Variants in CCDC13 observed in about 807,000 individuals in gnomAD.
CCDC13 encodes coiled-coil domain containing 13.
Under a neutral mutation model 87.3 loss-of-function variants are expected in CCDC13, and 70 were observed. That is an observed-to-expected ratio of 0.80 (90% CI 0.66 to 0.98). The LOEUF (loss-of-function observed/expected upper bound fraction) is 0.98, where lower values mean the gene tolerates loss of function less well. CCDC13 is among the 50% of genes least tolerant of loss of function. CCDC13 has a pLI of 0.00. For synonymous variants in CCDC13, 317 were observed against 360.3 expected, an observed-to-expected ratio of 0.88 and a Z score of 1.36; for missense variants, 842 against 892.0, an observed-to-expected ratio of 0.94 and a Z score of 0.71.
intron 13 of CCDC13, among the ~76,000 whole-genome samples, chr3:42,727,621 T>G (rs1559641943): frequency 6.6e-6 from 1 of 152,096 alleles, no homozygotes; most frequent in Non-Finnish European, 1.5e-5. Flanking sequence ...ATTTCAGGGT[T>G]TAAAAAAAGA....
chr3:42,759,986 C>T (rs759229611), intron 1 of CCDC13, among the ~76,000 whole-genome samples: 9 of 152,104 alleles, frequency 5.9e-5, no homozygotes, highest in Non-Finnish European at 1.3e-4. Flanking sequence ...TAGACTTTCT[C>T]ATTAGTATGT....
chr3:42,739,251 G>A (rs1388142892), intron 9 of CCDC13, among the ~76,000 whole-genome samples: 5 of 152,184 alleles, frequency 3.3e-5, no homozygotes, highest in Admixed American at 6.5e-5. Flanking sequence ...ATGCCCAGAA[G>A]AGGAAGGGTT....
chr3:42,733,395 A>C (rs1334111846), intron 11 of CCDC13, 75 bp downstream of exon 11: 13 of 1,568,120 alleles, frequency 8.3e-6, no homozygotes, highest in East Asian at 4.5e-5. Context: ...TTCCCATCAG[A>C]GGTAGCAAGA....
At chr3:42,755,383 C>G (rs542885967) in intron 3 of CCDC13, among the ~76,000 whole-genome samples, 1 of 152,216 alleles carries the variant, frequency 6.6e-6, no homozygotes, top group African/African-American at 2.4e-5. Flanking sequence ...CCGAGGCGGG[C>G]AGATCACAAG....
intron 13 of CCDC13, among the ~76,000 whole-genome samples, chr3:42,722,021 T>C (rs1698575394): frequency 6.6e-6 from 1 of 152,194 alleles, no homozygotes; most frequent in Non-Finnish European, 1.5e-5. Context: ...CTAATTTAGT[T>C]TACTTGGGAT....
At chr3:42,714,306 C>T (rs932071960) in intron 13 of CCDC13, among the ~76,000 whole-genome samples, 2 of 152,206 alleles carry the variant, frequency 1.3e-5, no homozygotes, top group Admixed American at 6.5e-5. Context: ...TAACATAAAG[C>T]ACTCACAGGC....
In CCDC13 at chr3:42,758,125, C is replaced by G. The variant is rs1699748595; in HGVS notation, c.221G>C (p.Arg74Thr). The G allele has an allele frequency of 6.2e-7, 1 of 1,612,490 alleles. No individual in the cohort carries two copies. The highest frequency in any genetic ancestry group is 1.7e-5 in the Admixed American group (1 of 59,940). ...TGAGAGATTTCAAACTTGCATTTAC[C>G]TCTTCTCAAAGCTATTTTTCGAGTT... ...EPNSKNSFEK[R>T]VLEDEIEHLR... Residue 74 changes from arginine (R) to threonine (T), a missense_variant and splice_region_variant, in exon 2 of 16, where the codon AGG becomes ACG. Physicochemically the swap from Arg to Thr is moderately conservative, Grantham distance 71. Transcript: ENST00000310232.
Position 42,742,746 on chromosome 3 carries a change from G to A in CCDC13, c.987+150C>T, listed in dbSNP as rs1039678135. The A allele has an allele frequency of 2.0e-5, 18 of 897,084 alleles. No homozygotes were observed. The Admixed American group carries it at 2.6e-4, about 13-fold the overall frequency. The allele number at this position is 897,084 out of a possible 1,614,324, so 55.6% of individuals were successfully genotyped here. On this transcript the variant is annotated intron_variant, in intron 8 of 15. Coordinates refer to ENST00000310232, the MANE Select transcript of CCDC13 (RefSeq NM_144719.4). ...TCAAGTTGGTTTGACAGGACATGAGGAACATGCAGAGGTGACCCAGGTCCC... is the reference window on the plus strand; with the variant it reads ...TCAAGTTGGTTTGACAGGACATGAGAAACATGCAGAGGTGACCCAGGTCCC...
chr3:42,726,935 A>AG (rs1330264184), intron 13 of CCDC13, among the ~76,000 whole-genome samples: 2 of 152,354 alleles, frequency 1.3e-5, no homozygotes, highest in East Asian at 1.9e-4. Context: ...TAAAACTGAT[A>AG]GCAGATTTCT....
rs554148251 is a variant in CCDC13, at chr3:42,715,868, G to A, written c.1719-2552C>T. Among the ~76,000 whole-genome samples, 7 of 152,232 alleles carry A rather than the reference G, an allele frequency of 4.6e-5. No homozygotes were observed. In the East Asian group the frequency reaches 1.2e-3, roughly 25 times the overall value. On this transcript the variant is annotated intron_variant, in intron 13 of 15. Coordinates refer to ENST00000310232, the MANE Select transcript of CCDC13 (RefSeq NM_144719.4). ...CCTTCTGCCTTCCACCACGGGATGC[G>A]GCAAGAAGGCCCTTGTCAGACGCTG... is the stretch of plus-strand genomic sequence containing the variant.
In CCDC13 at chr3:42,743,600, T is replaced by TATATATATATATATATATATATATATAC; in HGVS notation, c.826-544_826-543insGTATATATATATATATATATATATATAT. On this transcript the variant is annotated intron_variant, in intron 7 of 15. Coordinates refer to ENST00000310232, the MANE Select transcript of CCDC13 (RefSeq NM_144719.4). ...GCCTGGATAATTTTATATATATATA[T>TATATATATATATATATATATATATATAC]ACACACACACATATATATATACACA... Among the ~76,000 whole-genome samples the TATATATATATATATATATATATATATAC allele has an allele frequency of 4.3e-4, 54 of 125,794 alleles. 1 individual carries two copies. Among genetic ancestry groups the TATATATATATATATATATATATATATAC allele is most frequent in the East Asian group, 3.4e-3 (15 of 4,406 alleles). 82.5% of individuals were successfully genotyped at this position (125,794 alleles called of 152,430 possible).
chr3:42,755,915 T>C (rs1014537024), intron 3 of CCDC13, among the ~76,000 whole-genome samples: 3 of 152,262 alleles, frequency 2.0e-5, no homozygotes, highest in Admixed American at 1.3e-4. Context: ...CTTGCAAAAG[T>C]GCAAGTGGCC....
chr3:42,740,680 G>C (rs1369001414), intron 8 of CCDC13, among the ~76,000 whole-genome samples: 1 of 152,178 alleles, frequency 6.6e-6, no homozygotes, highest in East Asian at 1.9e-4. Context: ...ATGAAGGGAA[G>C]AGCAAAGGCC....
chr3:42,746,015 C>T lies in CCDC13; in HGVS notation c.733G>A (p.Glu245Lys). The T allele has an allele frequency of 1.2e-6, 2 of 1,614,146 alleles. No homozygotes were observed. Residue 245 changes from glutamate to lysine, a missense_variant, in exon 7 of 16, where the codon GAG (glutamate) becomes AAG (lysine). By Grantham distance (56) the Glu-to-Lys change is moderately conservative (BLOSUM62 1). Transcript: ENST00000310232. The part of the protein sequence containing the change: ...LRMAQKVLAR[E>K]VGEDINVQQL... Reference sequence around the variant, plus strand: ...TGAACGTTGATGTCTTCCCCAACCTCTCTGGCCAAAACCTGAAATAAGGCA... The same window carrying T: ...TGAACGTTGATGTCTTCCCCAACCTTTCTGGCCAAAACCTGAAATAAGGCA...
At position 42,745,971 on chromosome 3, in the gene CCDC13, T is replaced by G. The variant is rs773394920; in HGVS notation, c.777A>C (p.Pro259=). The change falls in exon 7 of 16, where the codon CCA becomes CCC. Residue 259 remains proline, a synonymous_variant. Coordinates refer to ENST00000310232, the MANE Select transcript of CCDC13 (RefSeq NM_144719.4). The stretch of plus-strand genomic sequence containing the variant: ...GTTGAGCCCGACCCCTCCAGGTCCC[T>G]GGCGAAGATAGGAGCTGCTGAACGT... The part of the protein sequence containing the change: ...DINVQQLLSS[P]GTWRGRAQQI... 4 of 1,614,176 alleles carry G rather than the reference T, an allele frequency of 2.5e-6. No individual in the cohort carries two copies. In the South Asian group the frequency reaches 4.4e-5, roughly 18 times the overall value.
At chr3:42,748,731 G>A (rs1481026562) in intron 5 of CCDC13, among the ~76,000 whole-genome samples, 1 of 152,158 alleles carries the variant, frequency 6.6e-6, no homozygotes, top group Non-Finnish European at 1.5e-5. Flanking sequence ...ATACTTTCCT[G>A]CTCCGCTTCC....
chr3:42,751,290 T>C (rs1027994018), intron 5 of CCDC13, among the ~76,000 whole-genome samples: 17 of 152,330 alleles, frequency 1.1e-4, no homozygotes, highest in African/African-American at 3.8e-4. Flanking sequence ...ACTATCTGAT[T>C]TGGGGATAAA....
intron 9 of CCDC13, among the ~76,000 whole-genome samples, chr3:42,737,721 A>T (rs1193323785): frequency 6.6e-6 from 1 of 152,178 alleles, no homozygotes; most frequent in African/African-American, 2.4e-5. Context: ...TCTTTTGAGA[A>T]GCGTCTGTTC....
intron 13 of CCDC13, among the ~76,000 whole-genome samples, chr3:42,724,381 G>A (rs1698639360): frequency 6.6e-6 from 1 of 152,120 alleles, no homozygotes; most frequent in South Asian, 2.1e-4. Context: ...AACTTTTCCT[G>A]CAAATATGCA....
Sources: gnomAD v4.1 joint callset for allele counts (sites outside exome capture counted in the v4.1 genomes callset) on GRCh38, gnomAD v4.1.1 for gene constraint, MANE v1.5 for transcripts, NCBI Gene and HGNC (gene_info 2026-07-23, HGNC 2026-07-21) for gene names.